Variants in KIAA1217 observed in about 807,000 individuals in gnomAD.
The protein encoded by KIAA1217 is KIAA1217.
A neutral mutation model predicts 163.9 loss-of-function variants in KIAA1217; 88 were observed. The observed-to-expected ratio is 0.54, with a 90% CI of 0.45 to 0.64. The LOEUF (loss-of-function observed/expected upper bound fraction) is 0.64. Ranked by LOEUF, KIAA1217 falls within the 30% of genes least tolerant of loss-of-function variation. The probability of loss-of-function intolerance (pLI) is 0.00; values close to 1 mark genes in which losing one functional copy is unlikely to be tolerated. For missense variants in KIAA1217, 2,372 were observed against 2,475.0 expected (o/e 0.96, Z 0.88); for synonymous variants, 903 against 923.1 (o/e 0.98, Z 0.39).
At chr10:23,854,366 G>T (rs916819981) in intron 1 of KIAA1217, among the ~76,000 whole-genome samples, 3 of 152,172 alleles carry the variant, frequency 2.0e-5, no homozygotes, top group African/African-American at 7.2e-5. Flanking sequence ...TGATTGCACT[G>T]TGGTCTGAGA....
chr10:24,208,984 G>T (rs1005710905), upstream of KIAA1217: 12 of 563,932 alleles, frequency 2.1e-5, no homozygotes, highest in East Asian at 3.4e-4. Flanking sequence ...GAGGGCCAGG[G>T]GCAGGGGAGA....
intron 2 of KIAA1217, among the ~76,000 whole-genome samples, chr10:24,277,289 G>A (rs1011949274): frequency 6.6e-6 from 1 of 152,206 alleles, no homozygotes; most frequent in Non-Finnish European, 1.5e-5. Flanking sequence ...CAACTTTTCA[G>A]ATGTTTCTGA....
At chr10:23,882,948 TG>T (rs1183074213) in intron 1 of KIAA1217, among the ~76,000 whole-genome samples, 1 of 151,942 alleles carries the variant, frequency 6.6e-6, no homozygotes, top group African/African-American at 2.4e-5. Flanking sequence ...CTATTCATTC[TG>T]GTGGGAGAGT....
Position 23,695,455 on chromosome 10 carries a change from C to T in KIAA1217, c.-321+221C>T, listed in dbSNP as rs1396810184. The stretch of plus-strand genomic sequence containing the variant: ...ATGGGGTGCCAAAAGGAGAAGACCC[C>T]CAACTGGGAGGAGGGACTGGAGAGG... On this transcript the variant is annotated intron_variant, in intron 1 of 18. Transcript: ENST00000376462. This position sits in a 1 kb window ranked among gnomAD's most constrained non-coding sequence, Gnocchi z 4.9. Among the ~76,000 whole-genome samples the T allele has an allele frequency of 6.6e-6, 1 of 152,108 alleles. No individual in the cohort carries two copies. Among genetic ancestry groups the T allele is most frequent in the African/African-American group, 2.4e-5 (1 of 41,426 alleles).
chr10:24,136,492 A>G (rs1217934106), intron 2 of KIAA1217, among the ~76,000 whole-genome samples: 1 of 152,158 alleles, frequency 6.6e-6, no homozygotes, highest in African/African-American at 2.4e-5. Context: ...ATGGGACTAT[A>G]AAATATGAAG....
At chr10:24,227,900 G>C (rs554190336) in intron 2 of KIAA1217, among the ~76,000 whole-genome samples, 1 of 152,252 alleles carries the variant, frequency 6.6e-6, no homozygotes, top group Admixed American at 6.5e-5. Context: ...CATCAGACCA[G>C]GGCTTTGCTG....
intron 5 of KIAA1217, among the ~76,000 whole-genome samples, chr10:24,445,894 C>T (rs1774733570): frequency 6.6e-6 from 1 of 151,964 alleles, no homozygotes; most frequent in African/African-American, 2.4e-5. Flanking sequence ...GGGTATATAC[C>T]CAGTAATGGG....
chr10:24,344,173 G>T (rs2047438284), intron 2 of KIAA1217, among the ~76,000 whole-genome samples: 1 of 152,108 alleles, frequency 6.6e-6, no homozygotes, highest in African/African-American at 2.4e-5. Flanking sequence ...TAACAAGATT[G>T]AATATAAACA....
chr10:24,405,643 C>A (rs1233009375), intron 3 of KIAA1217, among the ~76,000 whole-genome samples: 3 of 152,166 alleles, frequency 2.0e-5, no homozygotes, highest in African/African-American at 7.2e-5. Flanking sequence ...TATGAGGTGT[C>A]ATTTACTGAG....
chr10:23,980,997 A>G (rs1845745764), intron 1 of KIAA1217, among the ~76,000 whole-genome samples: 2 of 152,218 alleles, frequency 1.3e-5, no homozygotes, highest in Non-Finnish European at 2.9e-5. Flanking sequence ...TATGTCCATC[A>G]AGTAACTTTA....
intron 1 of KIAA1217, among the ~76,000 whole-genome samples, chr10:23,991,575 T>C (rs1364653349): frequency 6.6e-6 from 1 of 152,172 alleles, no homozygotes; most frequent in East Asian, 1.9e-4. Context: ...AACTGGACTG[T>C]AAAATGGGGT....
chr10:24,048,743 A>ATTT (rs201266406), intron 2 of KIAA1217, among the ~76,000 whole-genome samples: 1 of 146,926 alleles, frequency 6.8e-6, no homozygotes, highest in Non-Finnish European at 1.5e-5. Flanking sequence ...AAAAAAAAAA[A>ATTT]ATATATTGGC....
At chr10:24,136,850 A>G (rs2063851288) in intron 2 of KIAA1217, among the ~76,000 whole-genome samples, 1 of 152,208 alleles carries the variant, frequency 6.6e-6, no homozygotes, top group Non-Finnish European at 1.5e-5. Flanking sequence ...AGTGTAGCTG[A>G]ATTGTCCACG....
chr10:23,954,334 C>T (rs1160123566), intron 1 of KIAA1217, among the ~76,000 whole-genome samples: 1 of 152,034 alleles, frequency 6.6e-6, no homozygotes, highest in Non-Finnish European at 1.5e-5. Context: ...GGAAGCCAAG[C>T]TGGGTGGATC....
At chr10:24,073,878 T>C (rs2061275769) in intron 2 of KIAA1217, among the ~76,000 whole-genome samples, 2 of 151,876 alleles carry the variant, frequency 1.3e-5, no homozygotes, top group Non-Finnish European at 2.9e-5. Context: ...CACAGGGAAG[T>C]GGAGGTTAAA....
intron 2 of KIAA1217, among the ~76,000 whole-genome samples, chr10:24,332,416 C>A (rs532050013): frequency 5.3e-5 from 8 of 152,158 alleles, no homozygotes; most frequent in Middle Eastern, 3.4e-3. Context: ...AATCTGAAGG[C>A]TTTTATGACC....
intron 2 of KIAA1217, among the ~76,000 whole-genome samples, chr10:24,100,955 G>A (rs548987839): frequency 5.3e-5 from 8 of 152,282 alleles, no homozygotes; most frequent in African/African-American, 1.7e-4. Flanking sequence ...AAGGAACCTG[G>A]GATAAATGTT....
chr10:24,487,797 T>C (rs1019989468), intron 6 of KIAA1217, among the ~76,000 whole-genome samples: 7 of 152,206 alleles, frequency 4.6e-5, no homozygotes, highest in African/African-American at 1.2e-4. Flanking sequence ...CTCTGTCTCC[T>C]TGAAGATTAC....
intron 1 of KIAA1217, among the ~76,000 whole-genome samples, chr10:23,792,522 C>T (rs951326614): frequency 6.6e-6 from 1 of 151,640 alleles, no homozygotes; most frequent in South Asian, 2.1e-4. Context: ...GATGGAGTCT[C>T]GCTCTGTCAT....
Sources: gnomAD v4.1 joint callset for allele counts (sites outside exome capture counted in the v4.1 genomes callset) on GRCh38, gnomAD v4.1.1 for gene constraint, Gnocchi (gnomAD v3.1) non-coding constraint, MANE v1.5 for transcripts, NCBI Gene and HGNC (gene_info 2026-07-23, HGNC 2026-07-21) for gene names.